The following ANO3 variants were observed in gnomAD, a reference collection of about 807,000 sequenced individuals.
ANO3 encodes anoctamin-3.
A neutral mutation model predicts 144.8 loss-of-function variants in ANO3; 99 were observed. The observed-to-expected ratio is 0.68, with a 90% CI of 0.58 to 0.81. The LOEUF is 0.81. Among genes scored for constraint, ANO3 ranks in the 30% least tolerant of loss-of-function variants. ANO3 has a pLI of 0.00. For missense variants in ANO3, 905 were observed against 1,202.2 expected (o/e 0.75, Z 3.66); for synonymous variants, 414 against 392.6 (o/e 1.05, Z -0.64).
upstream of ANO3, among the ~76,000 whole-genome samples, chr11:26,328,222 T>G (rs1188385244): frequency 5.3e-5 from 8 of 152,194 alleles, no homozygotes; most frequent in African/African-American, 1.2e-4. Flanking sequence ...ATCTACTTAA[T>G]TCTGCTGTTA....
chr11:26,242,720 T>G (rs1435472188), intron 1 of ANO3, among the ~76,000 whole-genome samples: 2 of 152,194 alleles, frequency 1.3e-5, no homozygotes, highest in Admixed American at 1.3e-4. Context: ...AAGTAGCAAG[T>G]TAGTTACACA....
At chr11:26,254,265 C>G (rs540158507) in intron 1 of ANO3, among the ~76,000 whole-genome samples, 1 of 152,172 alleles carries the variant, frequency 6.6e-6, no homozygotes, top group African/African-American at 2.4e-5. Flanking sequence ...GATCAGAGAG[C>G]CTAAATAGTT....
chr11:26,590,324 G>C (rs1201202910), intron 14 of ANO3, among the ~76,000 whole-genome samples: 2 of 152,190 alleles, frequency 1.3e-5, no homozygotes, highest in Non-Finnish European at 2.9e-5. Context: ...CAACTTATAT[G>C]ATGTGATATT....
At chr11:26,586,354 C>CTTTTTTTTTTTTTTTTTTTTTTT (rs143903766) in intron 14 of ANO3, among the ~76,000 whole-genome samples, 1 of 125,676 alleles carries the variant, frequency 8.0e-6, no homozygotes, top group African/African-American at 3.0e-5. Context: ...CTCCTGTATT[C>CTTTTTTTTTTTTTTTTTTTTTTT]TTTTTTTTTT....
At position 26,616,436 on chromosome 11, in the gene ANO3, G is replaced by GTT. The variant is rs35002566; in HGVS notation, c.1837-8009_1837-8008dup. Reference sequence around the variant, plus strand: ...TTTAAAGGAACATCCTGCGTTTCTGGTTTTTTTTTTTTTTTTTTGGTAATT... The same window carrying GTT: ...TTTAAAGGAACATCCTGCGTTTCTGGTTTTTTTTTTTTTTTTTTTTGGTAATT... On this transcript the variant is annotated intron_variant, in intron 17 of 26. Transcript: ENST00000256737. 1.2e-3 allele frequency among the ~76,000 whole-genome samples: 168 copies of GTT among 137,440 alleles called. 1 individual carries two copies. Among genetic ancestry groups the GTT allele is most frequent in the African/African-American group, 3.6e-3 (132 of 36,912 alleles). The allele number at this position is 137,440 out of a possible 152,430, so 90.2% of individuals were successfully genotyped here. A position where few individuals can be genotyped will look rare whatever the true frequency, so the allele number is the denominator to read the frequency against.
At chr11:26,429,819 G>A (rs1477016346) in intron 1 of ANO3, among the ~76,000 whole-genome samples, 1 of 152,154 alleles carries the variant, frequency 6.6e-6, no homozygotes, top group Non-Finnish European at 1.5e-5. Flanking sequence ...AAATAAATCA[G>A]TATCATTTAG....
At chr11:26,463,238 G>A in intron 4 of ANO3, 90 bp downstream of exon 4, 1 of 664,032 alleles carries the variant, frequency 1.5e-6, no homozygotes, top group Admixed American at 3.0e-5. Context: ...TTTTCTGCTG[G>A]AGAATATAAA....
intron 1 of ANO3, among the ~76,000 whole-genome samples, chr11:26,228,638 C>G (rs1243927705): frequency 6.6e-6 from 1 of 152,166 alleles, no homozygotes; most frequent in African/African-American, 2.4e-5. Context: ...AAAGTTAGCA[C>G]CACAGAAAGT....
At chr11:26,315,247 G>T (rs1294486513) in intron 1 of ANO3, among the ~76,000 whole-genome samples, 2 of 152,108 alleles carry the variant, frequency 1.3e-5, no homozygotes, top group Non-Finnish European at 2.9e-5. Flanking sequence ...TCCACTTCGG[G>T]TGAGCAGCTC....
chr11:26,438,592 C>CAAAAAAAAAAAAAAAAAAA (rs1227963923), intron 1 of ANO3, among the ~76,000 whole-genome samples: 1 of 70,296 alleles, frequency 1.4e-5, no homozygotes, highest in Non-Finnish European at 2.5e-5. Context: ...ACTAAAAATA[C>CAAAAAAAAAAAAAAAAAAA]AAAAAAAAAA....
intron 14 of ANO3, among the ~76,000 whole-genome samples, chr11:26,590,862 C>T (rs1013801618): frequency 1.3e-5 from 2 of 152,008 alleles, no homozygotes; most frequent in East Asian, 1.9e-4. Flanking sequence ...GTAACAAACA[C>T]GGACCAGAAG....
chr11:26,595,477 T>C (rs1247135168), intron 14 of ANO3, among the ~76,000 whole-genome samples: 5 of 147,414 alleles, frequency 3.4e-5, no homozygotes, highest in Admixed American at 2.0e-4. Context: ...TTTTTTTTTT[T>C]TTTTTTTTTT....
chr11:26,346,928 A>G (rs2133907201), intron 1 of ANO3, among the ~76,000 whole-genome samples: 1 of 152,318 alleles, frequency 6.6e-6, no homozygotes, highest in Non-Finnish European at 1.5e-5. Context: ...AAAGCAAGCA[A>G]AACAGTTTTA....
chr11:26,239,741 C>T (rs566349886), intron 1 of ANO3, among the ~76,000 whole-genome samples: 9 of 152,150 alleles, frequency 5.9e-5, no homozygotes, highest in African/African-American at 1.7e-4. Flanking sequence ...GTAACGGGCA[C>T]GTAGTAAGTG....
intron 24 of ANO3, among the ~76,000 whole-genome samples, chr11:26,649,316 A>T (rs1424024039): frequency 6.6e-6 from 1 of 152,166 alleles, no homozygotes; most frequent in African/African-American, 2.4e-5. Flanking sequence ...GTTCTTAATT[A>T]TTTCTGCCCT....
At chr11:26,611,426 T>C (rs2132966445) in intron 17 of ANO3, among the ~76,000 whole-genome samples, 1 of 152,256 alleles carries the variant, frequency 6.6e-6, no homozygotes, top group East Asian at 1.9e-4. Flanking sequence ...TTTCTTAACT[T>C]TTTCTTGTTT....
At chr11:26,461,938 G>T (rs1053576445) in intron 3 of ANO3, among the ~76,000 whole-genome samples, 1 of 151,926 alleles carries the variant, frequency 6.6e-6, no homozygotes, top group Non-Finnish European at 1.5e-5. Context: ...AGGTCTAAGT[G>T]TAACCACTAA....
chr11:26,471,948 T>A (rs372135414), intron 4 of ANO3, among the ~76,000 whole-genome samples: 40 of 152,072 alleles, frequency 2.6e-4, no homozygotes, highest in East Asian at 7.8e-4. Context: ...TTGGAAGATA[T>A]ATCTCCTAAG....
intron 1 of ANO3, among the ~76,000 whole-genome samples, chr11:26,282,608 G>A (rs1332415426): frequency 6.6e-6 from 1 of 151,754 alleles, no homozygotes; most frequent in African/African-American, 2.4e-5. Flanking sequence ...AATTGTGTAG[G>A]CCATTTTGTG....
Sources: allele counts gnomAD v4.1 joint callset (sites outside exome capture counted in the v4.1 genomes callset), GRCh38; gene constraint gnomAD v4.1.1; transcripts MANE v1.5; gene names NCBI Gene and HGNC (gene_info 2026-07-23, HGNC 2026-07-21).